Variants in SOX5 observed in about 807,000 individuals in gnomAD.
SOX5 encodes the protein SRY-box transcription factor 5.
Under a neutral mutation model 92.0 loss-of-function variants are expected in SOX5, and 9 were observed. That is an observed-to-expected ratio of 0.10 (90% CI 0.06 to 0.17). The LOEUF is 0.17. SOX5 is among the 10% of genes least tolerant of loss of function. The probability of loss-of-function intolerance (pLI) is 1.00; values close to 1 mark genes in which losing one functional copy is unlikely to be tolerated. For missense variants in SOX5, 642 were observed against 944.5 expected (o/e 0.68, Z 4.20); for synonymous variants, 344 against 336.3 (o/e 1.02, Z -0.25).
At chr12:23,564,770 G>A (rs1946787894) in intron 10 of SOX5, among the ~76,000 whole-genome samples, 1 of 152,160 alleles carries the variant, frequency 6.6e-6, no homozygotes, top group Admixed American at 6.5e-5. Context: ...GAATGTTCTG[G>A]TACTAAGAGC....
At chr12:23,762,505 G>A (rs2094589452) in intron 3 of SOX5, 2 of 444,918 alleles carry the variant, frequency 4.5e-6, no homozygotes, top group African/African-American at 4.1e-5. Context: ...ATTTTTATAT[G>A]TGATTGTCCT....
chr12:23,709,384 C>A (rs1038796374), intron 6 of SOX5, among the ~76,000 whole-genome samples: 2 of 152,194 alleles, frequency 1.3e-5, no homozygotes, highest in South Asian at 2.1e-4. Flanking sequence ...GGATTACAGG[C>A]GTGAGCTACA....
At chr12:24,105,770 T>A (rs1217155901) in intron 4 of SOX5, among the ~76,000 whole-genome samples, 6 of 152,156 alleles carry the variant, frequency 3.9e-5, no homozygotes, top group African/African-American at 1.2e-4. Context: ...GTTACCATAG[T>A]CAGAGCAGGA....
intron 4 of SOX5, among the ~76,000 whole-genome samples, chr12:24,082,332 T>TA (rs1435237043): frequency 1.3e-5 from 2 of 149,222 alleles, no homozygotes; most frequent in Non-Finnish European, 3.0e-5. Context: ...TGGGAGTTTT[T>TA]ATGGCTGCAG....
chr12:24,110,710 T>A lies in SOX5; in HGVS notation c.-2+102633A>T, dbSNP rs4393411. ...ACCATCCTGGCTAACATGGTGAAAC[T>A]CCGTCTCTACTAAAAATAAAAATAA... On this transcript the variant is annotated intron_variant, in intron 4 of 4. Coordinates refer to the SOX5 transcript ENST00000446891. Among the ~76,000 whole-genome samples the A allele has an allele frequency of 1.6e-4, 25 of 151,592 alleles. No homozygotes were observed. The East Asian group carries it at 4.7e-3, about 28-fold the overall frequency.
chr12:24,518,114 G>T (rs1011073968), intron 1 of SOX5, among the ~76,000 whole-genome samples: 4 of 151,272 alleles, frequency 2.6e-5, no homozygotes, highest in Non-Finnish European at 5.9e-5. Flanking sequence ...TGTCACTCAG[G>T]CTGGAGTGCA....
rs144147228 is a variant in SOX5, at chr12:23,658,721, T to C, written c.931+6723A>G. ...GGCTGGCCAACATGGTGAAACCCCA[T>C]GTCTGCTAAAAATACAAAAAAATTA... is the stretch of plus-strand genomic sequence containing the variant. On this transcript the variant is annotated intron_variant, in intron 7 of 14. Transcript: ENST00000451604. Among the ~76,000 whole-genome samples, 841 of 152,212 alleles carry C rather than the reference T, an allele frequency of 5.5e-3. 31 individuals are homozygous for C. In the East Asian group the frequency reaches 0.1, roughly 18 times the overall value.
At chr12:23,582,223 G>A in intron 9 of SOX5, 1 of 984,862 alleles carries the variant, frequency 1.0e-6, no homozygotes, top group East Asian at 1.1e-4. Context: ...ATGGACTGTG[G>A]GAGCCCTCTT....
At chr12:24,318,680 C>A (rs911752838) in intron 2 of SOX5, among the ~76,000 whole-genome samples, 2 of 152,090 alleles carry the variant, frequency 1.3e-5, no homozygotes, top group Admixed American at 6.5e-5. Flanking sequence ...AATAATGGTA[C>A]CCAACTTATG....
intron 13 of SOX5, among the ~76,000 whole-genome samples, chr12:23,537,308 T>C (rs1940748790): frequency 6.6e-6 from 1 of 152,158 alleles, no homozygotes; most frequent in African/African-American, 2.4e-5. Flanking sequence ...CTCAATCTTA[T>C]AAAAGAGACA....
chr12:24,148,710 A>G lies in SOX5; in HGVS notation c.-2+64633T>C, dbSNP rs1350580097. ...TACTAAAAAAAAAAAAAAAAAAAAA[A>G]AAAAAAGAAGAAAGAAAGAAAAGAA... On this transcript the variant is annotated intron_variant, in intron 4 of 4. Coordinates refer to the SOX5 transcript ENST00000446891. Among the ~76,000 whole-genome samples the G allele has an allele frequency of 9.9e-4, 116 of 116,714 alleles. 2 individuals carry two copies. The highest frequency in any genetic ancestry group is 3.1e-3 in the East Asian group (15 of 4,852). The allele number at this position is 116,714 out of a possible 152,430, so 76.6% of individuals were successfully genotyped here.
At chr12:24,177,222 G>T (rs1345480663) in intron 4 of SOX5, among the ~76,000 whole-genome samples, 1 of 152,050 alleles carries the variant, frequency 6.6e-6, no homozygotes, top group Non-Finnish European at 1.5e-5. Context: ...TTTAGCTGAG[G>T]AAACTGAAGA....
chr12:24,190,966 G>T (rs1956466356), intron 4 of SOX5, among the ~76,000 whole-genome samples: 1 of 152,186 alleles, frequency 6.6e-6, no homozygotes, highest in Admixed American at 6.5e-5. Context: ...AAAAGAGAAT[G>T]AGGATTATGT....
chr12:24,135,336 A>G (rs570215384), intron 4 of SOX5, among the ~76,000 whole-genome samples: 1 of 152,232 alleles, frequency 6.6e-6, no homozygotes, highest in South Asian at 2.1e-4. Flanking sequence ...AAGCCAACCT[A>G]ACACAAGTTG....
At chr12:23,554,247 G>A (rs924665753) in intron 11 of SOX5, among the ~76,000 whole-genome samples, 5 of 151,962 alleles carry the variant, frequency 3.3e-5, no homozygotes, top group East Asian at 1.9e-4. Context: ...GGTTTGGTGC[G>A]CAGTGAAGAC....
At chr12:24,070,842 C>G (rs1195219682) in intron 4 of SOX5, among the ~76,000 whole-genome samples, 2 of 152,128 alleles carry the variant, frequency 1.3e-5, no homozygotes, top group Non-Finnish European at 2.9e-5. Flanking sequence ...TTCTGTCATG[C>G]CAGATGGTTT....
At chr12:24,081,717 T>C (rs538026087) in intron 4 of SOX5, among the ~76,000 whole-genome samples, 2 of 152,006 alleles carry the variant, frequency 1.3e-5, no homozygotes, top group African/African-American at 2.4e-5. Flanking sequence ...TGGAGGAGAA[T>C]AGTGGTATTG....
intron 4 of SOX5, among the ~76,000 whole-genome samples, chr12:24,111,633 A>G (rs901614235): frequency 3.9e-5 from 6 of 152,348 alleles, no homozygotes; most frequent in Admixed American, 3.9e-4. Context: ...ACTGATTCTT[A>G]AAACCATGAT....
intron 6 of SOX5, among the ~76,000 whole-genome samples, chr12:23,682,300 T>A (rs1312821129): frequency 2.6e-5 from 4 of 151,872 alleles, no homozygotes; most frequent in Non-Finnish European, 5.9e-5. Context: ...AAATGAACAA[T>A]TTCATTTTCT....
Sources: gnomAD v4.1 joint callset for allele counts (sites outside exome capture counted in the v4.1 genomes callset) on GRCh38, gnomAD v4.1.1 for gene constraint, MANE v1.5 for transcripts, NCBI Gene and HGNC (gene_info 2026-07-23, HGNC 2026-07-21) for gene names.